The following ADAMTS17 variants were observed in gnomAD, a reference collection of about 807,000 sequenced individuals.
ADAMTS17 encodes ADAM metallopeptidase with thrombospondin type 1 motif 17, also known as A disintegrin and metalloproteinase with thrombospondin motifs 17.
A neutral mutation model predicts 141.5 loss-of-function variants in ADAMTS17; 113 were observed. The observed-to-expected ratio is 0.80, with a 90% CI of 0.69 to 0.93. The LOEUF (loss-of-function observed/expected upper bound fraction) is 0.93, where lower values mean the gene tolerates loss of function less well. Ranked by LOEUF, ADAMTS17 falls within the 40% of genes least tolerant of loss-of-function variation. The pLI is 0.00. For synonymous variants in ADAMTS17, 768 were observed against 630.6 expected (o/e 1.22, Z -3.27); for missense variants, 1,659 against 1,517.9 (o/e 1.09, Z -1.54).
intron 18 of ADAMTS17, among the ~76,000 whole-genome samples, chr15:100,041,645 G>C (rs1395994025): frequency 6.6e-6 from 1 of 152,204 alleles, no homozygotes; most frequent in Admixed American, 6.5e-5. Flanking sequence ...CCAATGTCAG[G>C]GTCAGGTTTG....
intron 1 of ADAMTS17, 78 bp from the exon 2 acceptor site, chr15:100,341,487 C>T: frequency 1.0e-6 from 1 of 1,001,588 alleles, no homozygotes; most frequent in Non-Finnish European, 1.2e-6. Context: ...CCAGCCGCGC[C>T]AGCGCGGGGA....
intron 12 of ADAMTS17, among the ~76,000 whole-genome samples, chr15:100,130,474 A>C (rs2037981461): frequency 6.6e-6 from 1 of 152,188 alleles, no homozygotes; most frequent in African/African-American, 2.4e-5. Context: ...ACATAATGCC[A>C]ATTCTTATAG....
At chr15:100,212,049 C>A (rs1472012102) in intron 7 of ADAMTS17, among the ~76,000 whole-genome samples, 1 of 152,178 alleles carries the variant, frequency 6.6e-6, no homozygotes, top group African/African-American at 2.4e-5. Context: ...TCCCTGCTGA[C>A]AGGAATCTCG....
intron 12 of ADAMTS17, among the ~76,000 whole-genome samples, chr15:100,122,448 T>C (rs2037498096): frequency 6.6e-6 from 1 of 152,214 alleles, no homozygotes. Context: ...TCATTTTTTA[T>C]GACTGTCTCT....
chr15:100,052,411 C>T (rs1285617649), intron 16 of ADAMTS17, among the ~76,000 whole-genome samples: 1 of 152,172 alleles, frequency 6.6e-6, no homozygotes, highest in African/African-American at 2.4e-5. Context: ...GAAAGAAAAG[C>T]CATCAATATT....
At chr15:100,047,061 G>A (rs932877225) in intron 18 of ADAMTS17, among the ~76,000 whole-genome samples, 1 of 151,950 alleles carries the variant, frequency 6.6e-6, no homozygotes, top group Non-Finnish European at 1.5e-5. Context: ...GCCCCTGAGG[G>A]TAGGCCTCTA....
intron 2 of ADAMTS17, among the ~76,000 whole-genome samples, chr15:100,336,594 C>T (rs113279204): frequency 6.6e-6 from 1 of 152,154 alleles, no homozygotes; most frequent in Admixed American, 6.5e-5. Flanking sequence ...CTTAGGACTA[C>T]GTACCTTCCT....
intron 13 of ADAMTS17, among the ~76,000 whole-genome samples, chr15:100,109,798 G>A (rs1039268618): frequency 3.9e-5 from 6 of 152,102 alleles, no homozygotes; most frequent in Non-Finnish European, 8.8e-5. Context: ...TGCCCGGTGT[G>A]CGCTCTCTGC....
At chr15:100,298,238 A>G (rs1217202669) in intron 3 of ADAMTS17, among the ~76,000 whole-genome samples, 1 of 152,134 alleles carries the variant, frequency 6.6e-6, no homozygotes, top group African/African-American at 2.4e-5. Flanking sequence ...GAAACATAAA[A>G]TGAAGAAACC....
In ADAMTS17 at chr15:100,132,098, C is replaced by T. The variant is rs558730527; in HGVS notation, c.1630G>A (p.Gly544Arg). ...CAGGCGCCCCACGGGCTCCAGTCTC[C>T]GTCCACATGCTCCGGGATGGGCGTC... Reference protein sequence around the residue: ...SKTPIPEHVDGDWSPWGAWSM... With the variant: ...SKTPIPEHVDRDWSPWGAWSM... Residue 544 changes from glycine to arginine, a missense_variant, in exon 12 of 22, where the codon GGA (glycine) becomes AGA (arginine). Coordinates refer to ENST00000268070, the MANE Select transcript of ADAMTS17 (RefSeq NM_139057.4). The T allele has an allele frequency of 9.9e-6, 16 of 1,614,034 alleles. No individual in the cohort carries two copies. Among genetic ancestry groups the T allele is most frequent in the South Asian group, 3.3e-5 (3 of 91,072 alleles).
chr15:100,284,200 C>A (rs901160255), intron 3 of ADAMTS17, among the ~76,000 whole-genome samples: 2 of 152,204 alleles, frequency 1.3e-5, no homozygotes, highest in African/African-American at 4.8e-5. Context: ...CTGTGCCTCC[C>A]TAGGCCTTGG....
At chr15:100,094,058 G>A (rs755490647) in intron 15 of ADAMTS17, among the ~76,000 whole-genome samples, 26 of 151,274 alleles carry the variant, frequency 1.7e-4, no homozygotes, top group East Asian at 3.9e-4. Context: ...ATGTGGGCTC[G>A]TGGTCACAGA....
At chr15:100,169,335 G>T (rs984422629) in intron 8 of ADAMTS17, among the ~76,000 whole-genome samples, 1 of 152,146 alleles carries the variant, frequency 6.6e-6, no homozygotes, top group African/African-American at 2.4e-5. Flanking sequence ...ATGCTAAATG[G>T]GATGCTGAGA....
intron 9 of ADAMTS17, among the ~76,000 whole-genome samples, chr15:100,154,352 A>G (rs1414752893): frequency 1.2e-4 from 19 of 152,236 alleles, no homozygotes; most frequent in Admixed American, 1.2e-3. Flanking sequence ...TTACCACTGA[A>G]CAATTTCCCC....
chr15:100,023,962 T>C (rs1408257458), intron 18 of ADAMTS17, among the ~76,000 whole-genome samples: 3 of 152,234 alleles, frequency 2.0e-5, no homozygotes, highest in African/African-American at 7.2e-5. Flanking sequence ...AGGACACACA[T>C]GATCCTAGTC....
In ADAMTS17 at chr15:100,029,437, AT is replaced by A. The variant is rs1359936017; in HGVS notation, c.2591+19419del. Among the ~76,000 whole-genome samples the A allele has an allele frequency of 3.3e-5, 5 of 152,228 alleles. No homozygotes were observed. In the East Asian group the frequency reaches 9.7e-4, roughly 29 times the overall value. Reference sequence around the variant, plus strand: ...TAAAGTCAGGGTGATGAGTCCTTTCATTCATCCATTTATGCCAGAGAGAGGA... The same window carrying A: ...TAAAGTCAGGGTGATGAGTCCTTTCATCATCCATTTATGCCAGAGAGAGGA... On this transcript the variant is annotated intron_variant, in intron 18 of 21. Coordinates refer to ENST00000268070, the MANE Select transcript of ADAMTS17 (RefSeq NM_139057.4).
At chr15:99,979,628 A>G (rs9920547) in intron 20 of ADAMTS17, 104,628 of 152,158 alleles carry the variant, frequency 0.69, 36,218 homozygotes, top group Non-Finnish European at 0.72. Flanking sequence ...AGTCAGATAC[A>G]ACCACGTGCC....
chr15:100,069,414 G>A (rs1412471420), intron 15 of ADAMTS17, among the ~76,000 whole-genome samples: 6 of 152,176 alleles, frequency 3.9e-5, no homozygotes, highest in Admixed American at 1.3e-4. Context: ...TACTCCTTGA[G>A]AAGAGTAACT....
chr15:100,335,861 T>C (rs1316955133), intron 2 of ADAMTS17, among the ~76,000 whole-genome samples: 1 of 152,206 alleles, frequency 6.6e-6, no homozygotes, highest in Non-Finnish European at 1.5e-5. Context: ...CCAAACAGTT[T>C]CATTTCCTAA....
Sources: gnomAD v4.1 joint callset for allele counts (sites outside exome capture counted in the v4.1 genomes callset) on GRCh38, gnomAD v4.1.1 for gene constraint, MANE v1.5 for transcripts, NCBI Gene and HGNC (gene_info 2026-07-23, HGNC 2026-07-21) for gene names.